FBXO48: variants seen among roughly 807,000 people sequenced by gnomAD.
FBXO48 encodes F-box only protein 48.
A neutral mutation model predicts 14.3 loss-of-function variants in FBXO48; 12 were observed. The observed-to-expected ratio is 0.84, with a 90% CI of 0.54 to 1.36. FBXO48 has a LOEUF of 1.36. Among genes scored for constraint, FBXO48 ranks in the 40% most tolerant of loss-of-function variants. FBXO48 has a pLI of 0.00. For missense variants in FBXO48, 177 were observed against 179.1 expected, an observed-to-expected ratio of 0.99 and a Z score of 0.07; for synonymous variants, 53 against 61.7, an observed-to-expected ratio of 0.86 and a Z score of 0.66.
In FBXO48 at chr2:68,465,169, C is replaced by T. The variant is rs1262402540; in HGVS notation, c.-24G>A. ...ATAGCTTAATGTTTTAAGTTATCCT[C>T]ATATGTAACCTAAAAGGCAAAATTT... On this transcript the variant is annotated 5_prime_UTR_variant, in exon 3 of 4. An upstream start codon of the reference 5' UTR is lost. Coordinates refer to ENST00000377957, the MANE Select transcript of FBXO48 (RefSeq NM_001024680.3). 17 of 1,535,834 alleles carry T rather than the reference C, an allele frequency of 1.1e-5. No homozygotes were observed. The highest frequency in any genetic ancestry group is 1.5e-5 in the Non-Finnish European group (17 of 1,136,494).
rs573360047 is a variant in FBXO48, at chr2:68,461,210, A to C, written c.*2999T>G. 3 of 152,108 alleles carry C rather than the reference A, an allele frequency of 2.0e-5. No individual in the cohort carries two copies. In the South Asian group the frequency reaches 6.2e-4, roughly 32 times the overall value. The allele number at this position is 152,108 out of a possible 1,614,324, so 9.4% of individuals were successfully genotyped here. A position where few individuals can be genotyped will look rare whatever the true frequency, so the allele number is the denominator to read the frequency against. The stretch of plus-strand genomic sequence containing the variant: ...TGGCTGGGACCAGGGTCTGGAATAT[A>C]ATCAGGCCTCTTTCCCTGCAATTGT... On this transcript the variant is annotated 3_prime_UTR_variant, in exon 4 of 4. Coordinates refer to ENST00000377957, the MANE Select transcript of FBXO48 (RefSeq NM_001024680.3).
Position 68,464,018 on chromosome 2 carries a change from T to G in FBXO48, c.*191A>C, listed in dbSNP as rs1270594782. The G allele has an allele frequency of 5.8e-6, 3 of 515,110 alleles. No individual in the cohort carries two copies. Among genetic ancestry groups the G allele is most frequent in the Non-Finnish European group, 1.0e-5 (3 of 290,948 alleles). 31.9% of individuals were successfully genotyped at this position (515,110 alleles called of 1,614,324 possible). ...ATAACATTTCATGATTTTTCCACAT[T>G]ACAATAAAACCAGAAAAATTTTACT... is the stretch of plus-strand genomic sequence containing the variant. On this transcript the variant is annotated 3_prime_UTR_variant, in exon 4 of 4. Coordinates refer to ENST00000377957, the MANE Select transcript of FBXO48 (RefSeq NM_001024680.3).
Position 68,460,548 on chromosome 2 carries a change from A to G in FBXO48, c.*3661T>C, listed in dbSNP as rs1481044842. 1.3e-5 allele frequency: 2 copies of G among 150,390 alleles called. No individual in the cohort carries two copies. The highest frequency in any genetic ancestry group is 3.9e-4 in the East Asian group (2 of 5,168). 9.3% of individuals were successfully genotyped at this position (150,390 alleles called of 1,614,324 possible). A position where few individuals can be genotyped will look rare whatever the true frequency, so the allele number is the denominator to read the frequency against. The stretch of plus-strand genomic sequence containing the variant: ...TATATCAAATATTTTATATATATAT[A>G]TATATACTTATACTATCTTTGGATA... On this transcript the variant is annotated 3_prime_UTR_variant, in exon 4 of 4. Transcript: ENST00000377957.
At position 68,465,348 on chromosome 2, in the gene FBXO48, G is replaced by A. The variant is rs138828814; in HGVS notation, c.-33-170C>T. 2.2e-4 allele frequency among the ~76,000 whole-genome samples: 34 copies of A among 152,074 alleles called. No individual in the cohort carries two copies. The East Asian group carries it at 6.6e-3, about 29-fold the overall frequency. On this transcript the variant is annotated intron_variant, in intron 2 of 3. Coordinates refer to ENST00000377957, the MANE Select transcript of FBXO48 (RefSeq NM_001024680.3). ...CTGAAAGTTCTTGCAAGGATTAACA[G>A]TGATAGTGGGTAAAATATCTAGTCT...
At chr2:68,465,231 A>T (rs1231273719) in intron 2 of FBXO48, 53 bp from the exon 3 acceptor site, 1 of 896,416 alleles carries the variant, frequency 1.1e-6, no homozygotes, top group Non-Finnish European at 1.7e-6. Flanking sequence ...TATAAATCCT[A>T]CTTTAAGTCA....
intron 1 of FBXO48, among the ~76,000 whole-genome samples, chr2:68,467,010 C>G (rs528761045): frequency 6.6e-6 from 1 of 152,306 alleles, no homozygotes; most frequent in East Asian, 1.9e-4. Flanking sequence ...CACGTCCCGT[C>G]TGAGCCACCC....
At chr2:68,466,506 T>C (rs571885401) in intron 1 of FBXO48, 36 bp from the exon 2 acceptor site, 1 of 152,104 alleles carries the variant, frequency 6.6e-6, no homozygotes, top group African/African-American at 2.4e-5. Context: ...AAAGCAAACG[T>C]AAAAACGGGT....
Position 68,463,409 on chromosome 2 carries a change from TC to T in FBXO48, c.*799del, listed in dbSNP as rs1675316419. ...TAAGGATTCTTTAGAATAACAGTTT[TC>T]TTTTTAATATGGAGAAAACAAAAAG... On this transcript the variant is annotated 3_prime_UTR_variant, in exon 4 of 4. Coordinates refer to ENST00000377957, the MANE Select transcript of FBXO48 (RefSeq NM_001024680.3). The T allele has an allele frequency of 6.6e-6, 1 of 152,116 alleles. No homozygotes were observed. Among genetic ancestry groups the T allele is most frequent in the Non-Finnish European group, 1.5e-5 (1 of 68,036 alleles). 9.4% of individuals were successfully genotyped at this position (152,116 alleles called of 1,614,324 possible).
rs1203380903 is a variant in FBXO48 at position 68,459,651 on chromosome 2, A to T, written c.*4558T>A. The stretch of plus-strand genomic sequence containing the variant: ...TATACATTCTGTGTAGGATTAAAAT[A>T]AATAACTATAGAAATAATTTAACAA... On this transcript the variant is annotated 3_prime_UTR_variant, in exon 4 of 4. Transcript: ENST00000377957. 1.3e-5 allele frequency: 2 copies of T among 152,156 alleles called. No individual in the cohort carries two copies. The highest frequency in any genetic ancestry group is 4.8e-5 in the African/African-American group (2 of 41,428). The allele number at this position is 152,156 out of a possible 1,614,324, so 9.4% of individuals were successfully genotyped here.
rs1675255012 is a variant in FBXO48, at chr2:68,461,282, G to GTTTTT, written c.*2926_*2927insAAAAA. ...ATTCTCTTACTTAAGATCCGTTTTC[G>GTTTTT]TTTTCTTTTTTTTTTTTTTTTTTTT... On this transcript the variant is annotated 3_prime_UTR_variant, in exon 4 of 4. Transcript: ENST00000377957. 3.9e-5 allele frequency: 5 copies of GTTTTT among 128,342 alleles called. No individual in the cohort carries two copies. The highest frequency in any genetic ancestry group is 1.9e-4 in the African/African-American group (5 of 26,542). The allele number at this position is 128,342 out of a possible 1,614,324, so 8.0% of individuals were successfully genotyped here.
chr2:68,461,805 C>T lies in FBXO48; in HGVS notation c.*2404G>A, dbSNP rs1354249004. On this transcript the variant is annotated 3_prime_UTR_variant, in exon 4 of 4. Transcript: ENST00000377957. ...CGGTGGCTCATGCCTATAATCCCAG[C>T]ACTTTAGGAGGCTGAGGCAGGTAGA... is the stretch of plus-strand genomic sequence containing the variant. 2 of 150,798 alleles carry T rather than the reference C, an allele frequency of 1.3e-5. No homozygotes were observed. Among genetic ancestry groups the T allele is most frequent in the East Asian group, 3.9e-4 (2 of 5,122 alleles). The allele number at this position is 150,798 out of a possible 1,614,324, so 9.3% of individuals were successfully genotyped here.
chr2:68,466,613 A>AAT (rs1675423159), intron 1 of FBXO48, 143 bp from the exon 2 acceptor site: 1 of 152,228 alleles, frequency 6.6e-6, no homozygotes, highest in Non-Finnish European at 1.5e-5. Flanking sequence ...ATCTCACATT[A>AAT]GGAAAACGTT....
rs1370159075 is a variant in FBXO48 at position 68,461,110 on chromosome 2, G to A, written c.*3099C>T. The A allele has an allele frequency of 6.6e-6, 1 of 152,060 alleles. No individual in the cohort carries two copies. The highest frequency in any genetic ancestry group is 2.4e-5 in the African/African-American group (1 of 41,396). 9.4% of individuals were successfully genotyped at this position (152,060 alleles called of 1,614,324 possible). A position where few individuals can be genotyped will look rare whatever the true frequency, so the allele number is the denominator to read the frequency against. On this transcript the variant is annotated 3_prime_UTR_variant, in exon 4 of 4. Coordinates refer to ENST00000377957, the MANE Select transcript of FBXO48 (RefSeq NM_001024680.3). The stretch of plus-strand genomic sequence containing the variant: ...AATACATATTTGAAAAATGGGCAAC[G>A]AAACCACATCAGGTGGGGGTCCCAG...
Position 68,464,982 on chromosome 2 carries a change from A to G in FBXO48, c.164T>C (p.Leu55Pro), listed in dbSNP as rs756577425. ...KIFSQLDIRS[L>P]CRASLTCRSW... ...CCTGCATGTCAATGAAGCCCTGCAC[A>G]GACTCCGAATGTCCAGCTGACTGAA... The change falls in exon 3 of 4, where the codon CTG (leucine) becomes CCG (proline). Residue 55 changes from leucine (L) to proline (P), a missense_variant. Transcript: ENST00000377957. The G allele has an allele frequency of 5.9e-5, 96 of 1,613,858 alleles. No homozygotes were observed. Among genetic ancestry groups the G allele is most frequent in the Admixed American group, 1.5e-4 (9 of 59,998 alleles).
At chr2:68,464,420 A>G in intron 3 of FBXO48, 50 bp from the exon 4 acceptor site, 1 of 1,563,550 alleles carries the variant, frequency 6.4e-7, no homozygotes, top group Non-Finnish European at 8.8e-7. Context: ...GTGGTTGGTT[A>G]GTGAATGTGT....
In FBXO48 at chr2:68,461,276, G is replaced by A. The variant is rs1039195059; in HGVS notation, c.*2933C>T. 7.1e-6 allele frequency: 1 copy of A among 141,132 alleles called. No individual in the cohort carries two copies. Among genetic ancestry groups the A allele is most frequent in the Non-Finnish European group, 1.5e-5 (1 of 66,904 alleles). The allele number at this position is 141,132 out of a possible 1,614,324, so 8.7% of individuals were successfully genotyped here. A position where few individuals can be genotyped will look rare whatever the true frequency, so the allele number is the denominator to read the frequency against. ...CTCCACATTCTCTTACTTAAGATCC[G>A]TTTTCGTTTTCTTTTTTTTTTTTTT... On this transcript the variant is annotated 3_prime_UTR_variant, in exon 4 of 4. Transcript: ENST00000377957.
rs1289838399 is a variant in FBXO48 at position 68,463,357 on chromosome 2, G to A, written c.*852C>T. On this transcript the variant is annotated 3_prime_UTR_variant, in exon 4 of 4. Coordinates refer to ENST00000377957, the MANE Select transcript of FBXO48 (RefSeq NM_001024680.3). ...AAGTTAAAATAAAGGTTCCTAAAAA[G>A]TTATAAACTTTAACAAAGACAAGTG... 2.0e-5 allele frequency: 3 copies of A among 151,994 alleles called. No individual in the cohort carries two copies. Among genetic ancestry groups the A allele is most frequent in the Non-Finnish European group, 4.4e-5 (3 of 67,970 alleles). 9.4% of individuals were successfully genotyped at this position (151,994 alleles called of 1,614,324 possible).
intron 2 of FBXO48, among the ~76,000 whole-genome samples, 154 bp downstream of exon 2, chr2:68,465,990 C>T (rs79283016): frequency 0.011 from 1,616 of 152,272 alleles, 35 homozygotes; most frequent in African/African-American, 0.037. Flanking sequence ...CCCCTTGAAG[C>T]TATCCTACAT....
At position 68,464,455 on chromosome 2, in the gene FBXO48, AGGGCTG is replaced by A; in HGVS notation, c.307-91_307-86del. The A allele has an allele frequency of 7.4e-6, 9 of 1,209,232 alleles. No individual in the cohort carries two copies. The Admixed American group carries it at 1.3e-4, about 18-fold the overall frequency. The allele number at this position is 1,209,232 out of a possible 1,614,324, so 74.9% of individuals were successfully genotyped here. On this transcript the variant is annotated intron_variant, in intron 3 of 3. Transcript: ENST00000377957. Reference sequence around the variant, plus strand: ...TTTAAAGCAAGAGAAGCAGATTGACAGGGCTGAAAAAAAGAGTATTTACATTTATAT... The same window carrying A: ...TTTAAAGCAAGAGAAGCAGATTGACAAAAAAAAGAGTATTTACATTTATAT...
Sources: gnomAD v4.1 joint callset for allele counts (sites outside exome capture counted in the v4.1 genomes callset) on GRCh38, gnomAD v4.1.1 for gene constraint, MANE v1.5 for transcripts, NCBI Gene and HGNC (gene_info 2026-07-23, HGNC 2026-07-21) for gene names.